The following IGSF11 variants were observed in gnomAD, a reference collection of about 807,000 sequenced individuals.
IGSF11 encodes immunoglobulin superfamily member 11.
In IGSF11, 22 loss-of-function variants were observed where a neutral mutation model predicts 41.0. The observed-to-expected ratio is 0.54, with a 90% confidence interval of 0.38 to 0.77. The LOEUF (loss-of-function observed/expected upper bound fraction) is 0.77. Among genes scored for constraint, IGSF11 ranks in the 30% least tolerant of loss-of-function variants. The probability of loss-of-function intolerance (pLI) is 0.00; values close to 1 mark genes in which losing one functional copy is unlikely to be tolerated. For missense variants in IGSF11, 444 were observed against 530.8 expected (o/e 0.84, Z 1.61); for synonymous variants, 219 against 201.3 (o/e 1.09, Z -0.74).
At chr3:118,957,143 G>A (rs1319350156) in intron 1 of IGSF11, among the ~76,000 whole-genome samples, 1 of 152,110 alleles carries the variant, frequency 6.6e-6, no homozygotes, top group African/African-American at 2.4e-5. Flanking sequence ...AAGATGAGAT[G>A]AGACTTGTCA....
chr3:119,080,349 A>G (rs942686521), intron 1 of IGSF11, among the ~76,000 whole-genome samples: 2 of 152,192 alleles, frequency 1.3e-5, no homozygotes, highest in African/African-American at 4.8e-5. Context: ...TAATAATACT[A>G]CAATTCTATG....
At chr3:119,128,478 C>T (rs2866468) in intron 1 of IGSF11, among the ~76,000 whole-genome samples, 5,695 of 151,974 alleles carry the variant, frequency 0.037, 152 homozygotes, top group East Asian at 0.067. Context: ...GAGTCAAGAC[C>T]CATTGGCGTG....
At chr3:119,059,701 G>A (rs1277814951) in intron 1 of IGSF11, among the ~76,000 whole-genome samples, 1 of 151,752 alleles carries the variant, frequency 6.6e-6, no homozygotes, top group Non-Finnish European at 1.5e-5. Flanking sequence ...TAAGCATCAA[G>A]ACCTTCTTCG....
At chr3:119,026,317 A>C (rs1939822768) in intron 1 of IGSF11, among the ~76,000 whole-genome samples, 1 of 152,216 alleles carries the variant, frequency 6.6e-6, no homozygotes, top group Non-Finnish European at 1.5e-5. Context: ...TTGTCTCTAC[A>C]GCAATTTCAA....
intron 1 of IGSF11, among the ~76,000 whole-genome samples, chr3:119,144,407 A>G (rs2077691204): frequency 6.6e-6 from 1 of 152,208 alleles, no homozygotes; most frequent in South Asian, 2.1e-4. Context: ...AGGCCACAAA[A>G]CAAGCCTTAA....
At chr3:118,967,240 T>C (rs150222851) in intron 1 of IGSF11, among the ~76,000 whole-genome samples, 11 of 152,170 alleles carry the variant, frequency 7.2e-5, no homozygotes, top group African/African-American at 2.2e-4. Flanking sequence ...TATAATCTTT[T>C]AAATAAATGT....
intron 1 of IGSF11, among the ~76,000 whole-genome samples, chr3:119,142,964 A>C (rs918873018): frequency 1.2e-4 from 19 of 152,344 alleles, no homozygotes; most frequent in African/African-American, 4.6e-4. Flanking sequence ...AGTTGAAAAA[A>C]ATACCATCAA....
In IGSF11 at chr3:119,098,829, G is replaced by A. The variant is rs116269310; in HGVS notation, c.49+6315C>T. The stretch of plus-strand genomic sequence containing the variant: ...TTGCTGCTCTCTAGTGGGAGAAAAC[G>A]TAAAGCACACAAAGGTGATGTCCTC... On this transcript the variant is annotated intron_variant, in intron 1 of 6. Transcript: ENST00000354673. Among the ~76,000 whole-genome samples, 376 of 152,268 alleles carry A rather than the reference G, an allele frequency of 2.5e-3. 1 individual carries two copies. The highest frequency in any genetic ancestry group is 5.8e-3 in the African/African-American group (242 of 41,556).
chr3:118,961,191 T>C lies in IGSF11; in HGVS notation c.53-30916A>G, dbSNP rs1945310001. Among the ~76,000 whole-genome samples, 3 of 152,230 alleles carry C rather than the reference T, an allele frequency of 2.0e-5. No individual in the cohort carries two copies. In the South Asian group the frequency reaches 6.2e-4, roughly 32 times the overall value. On this transcript the variant is annotated intron_variant, in intron 1 of 6. Coordinates refer to ENST00000393775, the MANE Select transcript of IGSF11 (RefSeq NM_001015887.3). ...GCTGTTGTCAGCTACAAAGTGACCC[T>C]CTTCCTGGGGCCAGTTCCTGCTGAG... is the stretch of plus-strand genomic sequence containing the variant.
chr3:119,107,208 T>C (rs1559871245), upstream of IGSF11, among the ~76,000 whole-genome samples: 2 of 152,116 alleles, frequency 1.3e-5, no homozygotes, highest in Non-Finnish European at 2.9e-5. Flanking sequence ...CCACCAACAG[T>C]GTAAAAGTGT....
At chr3:118,916,592 C>A (rs1306773263) in intron 4 of IGSF11, among the ~76,000 whole-genome samples, 1 of 150,344 alleles carries the variant, frequency 6.7e-6, no homozygotes, top group East Asian at 1.9e-4. Context: ...TACAGGAGCA[C>A]CCTGATTCAT....
At chr3:119,060,087 T>A (rs1269326172) in intron 1 of IGSF11, among the ~76,000 whole-genome samples, 1 of 152,202 alleles carries the variant, frequency 6.6e-6, no homozygotes, top group Non-Finnish European at 1.5e-5. Flanking sequence ...CTCCTTTGGT[T>A]GCTGCTTATT....
At chr3:119,052,156 A>G (rs1173905961) in intron 1 of IGSF11, among the ~76,000 whole-genome samples, 6 of 152,108 alleles carry the variant, frequency 3.9e-5, no homozygotes, top group Admixed American at 1.3e-4. Context: ...AATTGAAACA[A>G]AAAAATGTAC....
rs1254179502 is a variant in IGSF11, at chr3:119,100,911, G to A, written c.49+4233C>T. On this transcript the variant is annotated intron_variant, in intron 1 of 6. Transcript: ENST00000354673. ...GGATGACATAACAGAATTCTACAGA[G>A]GGAGATGAGGGATGAATCCTGAGGA... Among the ~76,000 whole-genome samples, 3 of 152,276 alleles carry A rather than the reference G, an allele frequency of 2.0e-5. No homozygotes were observed. In the East Asian group the frequency reaches 5.8e-4, roughly 29 times the overall value.
exon 1 of IGSF11, chr3:119,145,986 C>T: frequency 3.5e-6 from 2 of 565,340 alleles, no homozygotes; most frequent in East Asian, 2.9e-5. Context: ...GGCGTACTCC[C>T]TGCGCTCGCC....
intron 1 of IGSF11, among the ~76,000 whole-genome samples, chr3:118,997,496 T>C (rs1185465042): frequency 6.6e-6 from 1 of 152,024 alleles, no homozygotes; most frequent in Non-Finnish European, 1.5e-5. Flanking sequence ...TTGCTCACTT[T>C]CTTCAAACTA....
chr3:119,011,320 C>T (rs1021011967), intron 1 of IGSF11, among the ~76,000 whole-genome samples: 12 of 151,998 alleles, frequency 7.9e-5, no homozygotes, highest in African/African-American at 2.4e-4. Context: ...CCAGAGCCCC[C>T]GGATAGTGAG....
intron 6 of IGSF11, 114 bp from the exon 7 acceptor site, chr3:118,903,075 G>T: frequency 2.1e-6 from 2 of 967,020 alleles, no homozygotes; most frequent in Non-Finnish European, 3.0e-6. Flanking sequence ...AACAAATCCA[G>T]GAGAGACTAC....
At chr3:118,941,895 TA>T (rs926258298) in intron 1 of IGSF11, among the ~76,000 whole-genome samples, 6 of 151,422 alleles carry the variant, frequency 4.0e-5, no homozygotes, top group African/African-American at 7.3e-5. Flanking sequence ...ATGTATCCAT[TA>T]AAAAAAAATC....
Sources: allele counts gnomAD v4.1 joint callset (sites outside exome capture counted in the v4.1 genomes callset), GRCh38; gene constraint gnomAD v4.1.1; transcripts MANE v1.5; gene names NCBI Gene and HGNC (gene_info 2026-07-23, HGNC 2026-07-21).